The following C8orf88 variants were observed in gnomAD, a reference collection of about 807,000 sequenced individuals.
C8orf88 encodes chromosome 8 open reading frame 88.
Under a neutral mutation model 18.4 loss-of-function variants are expected in C8orf88, and 14 were observed. The ratio of observed to expected loss-of-function variants is 0.76; its 90% CI spans 0.50 to 1.19. C8orf88 has a LOEUF of 1.19. Among genes scored for constraint, C8orf88 ranks in the 50% most tolerant of loss-of-function variants. C8orf88 has a pLI of 0.00. For missense variants in C8orf88, 116 were observed against 134.7 expected (o/e 0.86, Z 0.69); for synonymous variants, 45 against 42.9 (o/e 1.05, Z -0.19).
chr8:90,960,703 T>C (rs1263127213), intron 5 of C8orf88, 39 bp downstream of exon 5: 2 of 1,143,882 alleles, frequency 1.7e-6, no homozygotes, highest in East Asian at 5.3e-5. Flanking sequence ...AAATATTTTG[T>C]AATATAATAT....
chr8:90,968,904 C>A (rs1352979202), intron 4 of C8orf88, among the ~76,000 whole-genome samples: 1 of 150,890 alleles, frequency 6.6e-6, no homozygotes, highest in Admixed American at 6.6e-5. Flanking sequence ...TAAGAAAATG[C>A]AAATCAAAAC....
intron 1 of C8orf88, among the ~76,000 whole-genome samples, chr8:90,981,428 T>C (rs1157487029): frequency 6.6e-6 from 1 of 152,224 alleles, no homozygotes; most frequent in African/African-American, 2.4e-5. Flanking sequence ...CAAACAGCTA[T>C]TTATCTGTCA....
rs117283617 is a variant in C8orf88, at chr8:90,981,708, A to T, written c.-26-1247T>A. 2.5e-3 allele frequency among the ~76,000 whole-genome samples: 378 copies of T among 152,238 alleles called. 13 individuals carry two copies. In the East Asian group the frequency reaches 0.064, roughly 26 times the overall value. On this transcript the variant is annotated intron_variant, in intron 1 of 5. Transcript: ENST00000517562. ...AAAACCAGACCTTATTTATTTTTGT[A>T]TTCTAGTATCTGCAACATAGATTTA... is the stretch of plus-strand genomic sequence containing the variant.
intron 4 of C8orf88, among the ~76,000 whole-genome samples, chr8:90,967,923 GA>G (rs1811225903): frequency 1.3e-5 from 2 of 151,696 alleles, no homozygotes; most frequent in African/African-American, 2.4e-5. Context: ...AGAAGTTAAA[GA>G]ATACCTAAAT....
At chr8:90,978,821 T>A (rs1239937828) in intron 2 of C8orf88, among the ~76,000 whole-genome samples, 169 bp from the exon 3 acceptor site, 1 of 152,186 alleles carries the variant, frequency 6.6e-6, no homozygotes, top group African/African-American at 2.4e-5. Flanking sequence ...GATGCTGTGT[T>A]AAAAGGATGG....
intron 3 of C8orf88, among the ~76,000 whole-genome samples, chr8:90,975,928 C>T (rs1811341977): frequency 8.2e-6 from 1 of 121,580 alleles, no homozygotes; most frequent in Non-Finnish European, 1.5e-5. Context: ...CACTATTCCA[C>T]ATTAAAAAAA....
At chr8:90,972,704 G>A (rs2130314443) in intron 3 of C8orf88, among the ~76,000 whole-genome samples, 1 of 152,158 alleles carries the variant, frequency 6.6e-6, no homozygotes, top group Middle Eastern at 3.4e-3. Flanking sequence ...TATAGGTAAG[G>A]AAAATCAGAC....
At chr8:90,974,331 A>T (rs1008637042) in intron 3 of C8orf88, among the ~76,000 whole-genome samples, 1 of 152,180 alleles carries the variant, frequency 6.6e-6, no homozygotes, top group African/African-American at 2.4e-5. Context: ...TAGTGTTATA[A>T]GAAGCCCAAG....
chr8:90,966,794 A>T (rs966463154), intron 4 of C8orf88, among the ~76,000 whole-genome samples: 1 of 151,888 alleles, frequency 6.6e-6, no homozygotes, highest in Non-Finnish European at 1.5e-5. Flanking sequence ...ATATCCTAAT[A>T]AACCCATTAT....
intron 1 of C8orf88, among the ~76,000 whole-genome samples, chr8:90,981,962 T>G (rs967644983): frequency 2.0e-5 from 3 of 152,160 alleles, no homozygotes; most frequent in Admixed American, 6.5e-5. Context: ...TAGTAACCCT[T>G]TAAGTTCCCA....
intron 2 of C8orf88, among the ~76,000 whole-genome samples, 193 bp downstream of exon 2, chr8:90,980,170 C>T (rs975912432): frequency 2.0e-5 from 3 of 152,158 alleles, no homozygotes; most frequent in African/African-American, 2.4e-5. Flanking sequence ...ATTCTTCCTA[C>T]TTTTGTTGGT....
chr8:90,980,528 AAT>A, intron 1 of C8orf88, 67 bp from the exon 2 acceptor site: 1 of 602,336 alleles, frequency 1.7e-6, no homozygotes. Flanking sequence ...CATGTATACA[AAT>A]AACTACATCT....
At position 90,979,962 on chromosome 8, in the gene C8orf88, AT is replaced by A. The variant is rs533711858; in HGVS notation, c.73+400del. 2.3e-3 allele frequency among the ~76,000 whole-genome samples: 348 copies of A among 149,946 alleles called. 1 individual carries two copies. Among genetic ancestry groups the A allele is most frequent in the African/African-American group, 7.8e-3 (320 of 41,068 alleles). On this transcript the variant is annotated intron_variant, in intron 2 of 5. Coordinates refer to ENST00000517562, the MANE Select transcript of C8orf88 (RefSeq NM_001190972.2). ...CAGAACCTTTAAGATTTGTGCTAAT[AT>A]TTTTTTTTTGGCATTTAGTTACGTA...
At chr8:90,978,516 C>G (rs1035937534) in intron 3 of C8orf88, 63 bp downstream of exon 3, 2 of 961,994 alleles carry the variant, frequency 2.1e-6, no homozygotes, top group Admixed American at 2.4e-5. Context: ...ACACAATAGC[C>G]ATCTAACACA....
Position 90,985,194 on chromosome 8 carries a change from C to G in C8orf88, c.-107G>C, listed in dbSNP as rs983511065. ...CGCGGAGGCCGAGCGCCCTGCTGCC[C>G]GTCGGGGAACGGCTCCTGCCGCTGG... On this transcript the variant is annotated 5_prime_UTR_variant, in exon 1 of 6. Transcript: ENST00000517562. 6.6e-6 allele frequency: 1 copy of G among 150,432 alleles called. No homozygotes were observed. The highest frequency in any genetic ancestry group is 2.0e-4 in the East Asian group (1 of 5,100). The allele number at this position is 150,432 out of a possible 1,614,324, so 9.3% of individuals were successfully genotyped here. A position where few individuals can be genotyped will look rare whatever the true frequency, so the allele number is the denominator to read the frequency against.
At chr8:90,965,406 T>G (rs768657810) in intron 4 of C8orf88, among the ~76,000 whole-genome samples, 1 of 151,790 alleles carries the variant, frequency 6.6e-6, no homozygotes, top group Non-Finnish European at 1.5e-5. Context: ...ATTTTAACAT[T>G]AATAACTGGA....
At chr8:90,982,930 A>G (rs1471549749) in intron 1 of C8orf88, among the ~76,000 whole-genome samples, 2 of 152,292 alleles carry the variant, frequency 1.3e-5, no homozygotes, top group East Asian at 3.9e-4. Context: ...ATTATAATTA[A>G]GGCAGAACTC....
rs1054095442 is a variant in C8orf88 at position 90,980,461 on chromosome 8, A to C, written c.-26T>G. 3.2e-5 allele frequency: 44 copies of C among 1,364,642 alleles called. 1 individual carries two copies. Among genetic ancestry groups the C allele is most frequent in the Admixed American group, 9.4e-5 (4 of 42,392 alleles). 84.5% of individuals were successfully genotyped at this position (1,364,642 alleles called of 1,614,324 possible). On this transcript the variant is annotated splice_region_variant and 5_prime_UTR_variant, in exon 2 of 6. Transcript: ENST00000517562. ...TGTCACAAAGACTTTGAGGTTCCATACTAGAAGACAAAAAAATACATTTTT... is the reference window on the plus strand; with the variant it reads ...TGTCACAAAGACTTTGAGGTTCCATCCTAGAAGACAAAAAAATACATTTTT...
intron 2 of C8orf88, 62 bp from the exon 3 acceptor site, chr8:90,978,714 C>A: frequency 2.1e-6 from 2 of 971,772 alleles, no homozygotes; most frequent in Non-Finnish European, 1.5e-6. Flanking sequence ...ATATAATCAA[C>A]TAAAAAGCTT....
Sources: gnomAD v4.1 joint callset for allele counts (sites outside exome capture counted in the v4.1 genomes callset) on GRCh38, gnomAD v4.1.1 for gene constraint, MANE v1.5 for transcripts, NCBI Gene and HGNC (gene_info 2026-07-23, HGNC 2026-07-21) for gene names.